Variants in S1PR4 observed in about 807,000 individuals in gnomAD.
The protein encoded by S1PR4 is sphingosine-1-phosphate receptor 4, also known as sphingosine 1-phosphate receptor 4.
A neutral mutation model predicts 0.4 loss-of-function variants in S1PR4; 1 was observed. The ratio of observed to expected loss-of-function variants is 2.48; its 90% CI spans 0.88 to 11.76. The LOEUF is 11.76. Ranked by LOEUF, S1PR4 falls within the 30% of genes most tolerant of loss-of-function variation. The pLI, the probability that S1PR4 is intolerant of heterozygous loss-of-function variation, is 0.12. For synonymous variants in S1PR4, 296 were observed against 266.7 expected, an observed-to-expected ratio of 1.11 and a Z score of -1.07; for missense variants, 595 against 557.8, an observed-to-expected ratio of 1.07 and a Z score of -0.67.
In S1PR4 at chr19:3,180,102, C is replaced by A; in HGVS notation, c.*155C>A. ...TCTTCCCGGTGGCCTCTCGGGGCTT[C>A]TGACGCCAAATGGGCTTCCCATGGT... On this transcript the variant is annotated 3_prime_UTR_variant, in exon 1 of 1. Transcript: ENST00000246115. 1.5e-6 allele frequency: 1 copy of A among 654,908 alleles called. No homozygotes were observed. The highest frequency in any genetic ancestry group is 2.4e-6 in the Non-Finnish European group (1 of 418,056). 40.6% of individuals were successfully genotyped at this position (654,908 alleles called of 1,614,324 possible). A position where few individuals can be genotyped will look rare whatever the true frequency, so the allele number is the denominator to read the frequency against.
In S1PR4 at chr19:3,179,377, C is replaced by G. The variant is rs1327987656; in HGVS notation, c.585C>G (p.Ser195Arg). The G allele has an allele frequency of 2.5e-6, 4 of 1,613,302 alleles. No individual in the cohort carries two copies. The highest frequency in any genetic ancestry group is 3.4e-6 in the Non-Finnish European group (4 of 1,179,944). ...NCLCAFDRCS[S>R]LLPLYSKRYI... Reference sequence around the variant, plus strand: ...TGTGCGCCTTTGACCGCTGCTCCAGCCTTCTGCCCCTCTACTCCAAGCGCT... The same window carrying G: ...TGTGCGCCTTTGACCGCTGCTCCAGGCTTCTGCCCCTCTACTCCAAGCGCT... Residue 195 changes from serine (S) to arginine (R), a missense_variant, in exon 1 of 1, where the codon AGC becomes AGG. Coordinates refer to ENST00000246115, the MANE Select transcript of S1PR4 (RefSeq NM_003775.4).
chr19:3,179,309 G>T lies in S1PR4; in HGVS notation c.517G>T (p.Ala173Ser). ...CTTCATCGGCCTCTGCTGGCTGCTGGCCGCGCTGCTGGGGATGCTGCCTTT... is the reference window on the plus strand; with the variant it reads ...CTTCATCGGCCTCTGCTGGCTGCTGTCCGCGCTGCTGGGGATGCTGCCTTT... ...YGFIGLCWLL[A>S]ALLGMLPLLG... is the part of the protein sequence containing the mutation. The change falls in exon 1 of 1, where the codon GCC becomes TCC. Residue 173 changes from alanine (A) to serine (S), a missense_variant. Ala to Ser is a moderately conservative substitution (Grantham distance 99). Coordinates refer to ENST00000246115, the MANE Select transcript of S1PR4 (RefSeq NM_003775.4). The T allele has an allele frequency of 6.2e-7, 1 of 1,611,172 alleles. No individual in the cohort carries two copies. Among genetic ancestry groups the T allele is most frequent in the Non-Finnish European group, 8.5e-7 (1 of 1,178,978 alleles).
In S1PR4 at chr19:3,179,767, G is replaced by T. The variant is rs376087741; in HGVS notation, c.975G>T (p.Gly325=). ...CRAVLSFLCC[G]CLRLGMRGPG... is the part of the protein sequence containing the mutation. ...CCGTGCTCAGCTTCCTCTGCTGCGG[G>T]TGTCTCCGGCTGGGCATGCGAGGGC... Residue 325 remains glycine, a synonymous_variant, in exon 1 of 1, where the codon GGG becomes GGT. Transcript: ENST00000246115. 4 of 1,610,156 alleles carry T rather than the reference G, an allele frequency of 2.5e-6. No individual in the cohort carries two copies. Among genetic ancestry groups the T allele is most frequent in the East Asian group, 2.2e-5 (1 of 44,824 alleles).
In S1PR4 at chr19:3,180,030, G is replaced by A. The variant is rs967480203; in HGVS notation, c.*83G>A. On this transcript the variant is annotated 3_prime_UTR_variant, in exon 1 of 1. Transcript: ENST00000246115. ...CTGGGGTACAGGAAGCTGTGTGCAC[G>A]CAGCCTCGCCTGTATGGGGAGCAGG... The A allele has an allele frequency of 4.6e-5, 61 of 1,326,188 alleles. No homozygotes were observed. The highest frequency in any genetic ancestry group is 8.9e-5 in the South Asian group (6 of 67,692). 82.2% of individuals were successfully genotyped at this position (1,326,188 alleles called of 1,614,324 possible). A position where few individuals can be genotyped will look rare whatever the true frequency, so the allele number is the denominator to read the frequency against.
chr19:3,179,728 G>A lies in S1PR4; in HGVS notation c.936G>A (p.Arg312=), dbSNP rs777752428. Residue 312 remains arginine, a synonymous_variant, in exon 1 of 1, where the codon AGG becomes AGA. Transcript: ENST00000246115. ...CCATCATCTACTCCTTCCGCAGCAGGGAGGTGTGCAGAGCCGTGCTCAGCT... is the reference window on the plus strand; with the variant it reads ...CCATCATCTACTCCTTCCGCAGCAGAGAGGTGTGCAGAGCCGTGCTCAGCT... ...VNPIIYSFRS[R]EVCRAVLSFL... is the part of the protein sequence containing the mutation. 15 of 1,612,892 alleles carry A rather than the reference G, an allele frequency of 9.3e-6. No individual in the cohort carries two copies. In the East Asian group the frequency reaches 3.3e-4, roughly 36 times the overall value.
chr19:3,178,934 G>T lies in S1PR4; in HGVS notation c.142G>T (p.Ala48Ser), dbSNP rs754285036. Residue 48 changes from alanine to serine, a missense_variant, in exon 1 of 1, where the codon GCC becomes TCC. Transcript: ENST00000246115. Reference protein sequence around the residue: ...RGGPEDGGLGALRGLSVAASC... With the variant: ...RGGPEDGGLGSLRGLSVAASC... ...GGGGCCGGAGGATGGCGGCCTGGGG[G>T]CCCTGCGGGGGCTGTCGGTGGCCGC... 7 of 1,532,482 alleles carry T rather than the reference G, an allele frequency of 4.6e-6. No individual in the cohort carries two copies. In the South Asian group the frequency reaches 4.8e-5, roughly 10 times the overall value. The allele number at this position is 1,532,482 out of a possible 1,614,324, so 94.9% of individuals were successfully genotyped here.
rs2144881054 is a variant in S1PR4 at position 3,178,800 on chromosome 19, C to T, written c.8C>T (p.Ala3Val). MN[A>V]TGTPVAPESC... ...CAGCCCCCGGGGGAGGCCATGAACG[C>T]CACGGGGACCCCGGTGGCCCCCGAG... Residue 3 changes from alanine (A) to valine (V), a missense_variant, in exon 1 of 1, where the codon GCC becomes GTC. Coordinates refer to ENST00000246115, the MANE Select transcript of S1PR4 (RefSeq NM_003775.4). 2.0e-6 allele frequency: 3 copies of T among 1,497,216 alleles called. No homozygotes were observed. The highest frequency in any genetic ancestry group is 2.5e-5 in the East Asian group (1 of 39,562). 92.7% of individuals were successfully genotyped at this position (1,497,216 alleles called of 1,614,324 possible). A position where few individuals can be genotyped will look rare whatever the true frequency, so the allele number is the denominator to read the frequency against.
At position 3,179,425 on chromosome 19, in the gene S1PR4, C is replaced by G; in HGVS notation, c.633C>G (p.Ile211Met). The change falls in exon 1 of 1, where the codon ATC becomes ATG. Residue 211 changes from isoleucine (I) to methionine (M), a missense_variant. Transcript: ENST00000246115. ...GCTACATCCTCTTCTGCCTGGTGAT[C>G]TTCGCCGGCGTCCTGGCCACCATCA... is the stretch of plus-strand genomic sequence containing the variant. ...SKRYILFCLV[I>M]FAGVLATIMG... The G allele has an allele frequency of 1.2e-6, 2 of 1,613,352 alleles. No individual in the cohort carries two copies. The highest frequency in any genetic ancestry group is 1.7e-6 in the Non-Finnish European group (2 of 1,179,950).
At position 3,179,920 on chromosome 19, in the gene S1PR4, C is replaced by T. The variant is rs1915515462; in HGVS notation, c.1128C>T (p.Ser376=). The T allele has an allele frequency of 1.3e-6, 2 of 1,514,558 alleles. No homozygotes were observed. The highest frequency in any genetic ancestry group is 1.4e-5 in the African/African-American group (1 of 71,576). 93.8% of individuals were successfully genotyped at this position (1,514,558 alleles called of 1,614,324 possible). A position where few individuals can be genotyped will look rare whatever the true frequency, so the allele number is the denominator to read the frequency against. ...SLSFRMREPL[S]SISSVRSI The stretch of plus-strand genomic sequence containing the variant: ...GCTTTCGGATGCGGGAGCCCCTGTC[C>T]AGCATCTCCAGCGTGCGGAGCATCT... The change falls in exon 1 of 1, where the codon TCC becomes TCT. Residue 376 remains serine, a synonymous_variant. Transcript: ENST00000246115.
In S1PR4 at chr19:3,179,023, G is replaced by A. The variant is rs34728133; in HGVS notation, c.231G>A (p.Ser77=). The change falls in exon 1 of 1, where the codon TCG becomes TCA. Residue 77 remains serine (S), a synonymous_variant. Coordinates refer to ENST00000246115, the MANE Select transcript of S1PR4 (RefSeq NM_003775.4). The stretch of plus-strand genomic sequence containing the variant: ...CGGCCATCACCAGCCACATGCGGTC[G>A]CGACGCTGGGTCTACTATTGCCTGG... ...VLAAITSHMR[S]RRWVYYCLVN... 0.079 allele frequency: 125,865 copies of A among 1,600,746 alleles called. 5,645 individuals carry two copies. The highest frequency in any genetic ancestry group is 0.091 in the Non-Finnish European group (107,547 of 1,177,474).
Position 3,179,025 on chromosome 19 carries a change from G to T in S1PR4, c.233G>T (p.Arg78Leu). The T allele has an allele frequency of 6.2e-7, 1 of 1,602,834 alleles. No individual in the cohort carries two copies. ...GCCATCACCAGCCACATGCGGTCGC[G>T]ACGCTGGGTCTACTATTGCCTGGTG... ...LAAITSHMRSRRWVYYCLVNI... is the reference protein window; with the variant it reads ...LAAITSHMRSLRWVYYCLVNI... The change falls in exon 1 of 1, where the codon CGA (arginine) becomes CTA (leucine). Residue 78 changes from arginine to leucine, a missense_variant. Coordinates refer to ENST00000246115, the MANE Select transcript of S1PR4 (RefSeq NM_003775.4).
Position 3,178,789 on chromosome 19 carries a change from G to T in S1PR4, c.-4G>T, listed in dbSNP as rs892123214. 14 of 1,483,204 alleles carry T rather than the reference G, an allele frequency of 9.4e-6. No individual in the cohort carries two copies. The highest frequency in any genetic ancestry group is 1.2e-5 in the Non-Finnish European group (13 of 1,128,070). 91.9% of individuals were successfully genotyped at this position (1,483,204 alleles called of 1,614,324 possible). ...CGGGCCTCAGTCAGCCCCCGGGGGA[G>T]GCCATGAACGCCACGGGGACCCCGG... is the stretch of plus-strand genomic sequence containing the variant. On this transcript the variant is annotated 5_prime_UTR_variant, in exon 1 of 1. The change creates a new upstream start codon in the 5' untranslated region. Coordinates refer to ENST00000246115, the MANE Select transcript of S1PR4 (RefSeq NM_003775.4).
rs773905094 is a variant in S1PR4 at position 3,179,135 on chromosome 19, C to T, written c.343C>T (p.Pro115Ser). 15 of 1,611,856 alleles carry T rather than the reference C, an allele frequency of 9.3e-6. No homozygotes were observed. The South Asian group carries it at 1.3e-4, about 14-fold the overall frequency. Residue 115 changes from proline (P) to serine (S), a missense_variant, in exon 1 of 1, where the codon CCC (proline) becomes TCC (serine). By Grantham distance (74) the Pro-to-Ser change is moderately conservative. Transcript: ENST00000246115. ...LSGARTFRLA[P>S]AQWFLREGLL... ...GGGGGCCCGCACCTTCCGTCTGGCG[C>T]CCGCCCAGTGGTTCCTACGGGAGGG... is the stretch of plus-strand genomic sequence containing the variant.
Position 3,179,281 on chromosome 19 carries a change from C to T in S1PR4, c.489C>T (p.Tyr163=), listed in dbSNP as rs772912291. ...ESGATKTSRV[Y]GFIGLCWLLA... ...GGGCCACCAAGACCAGCCGCGTCTA[C>T]GGCTTCATCGGCCTCTGCTGGCTGC... is the stretch of plus-strand genomic sequence containing the variant. Residue 163 remains tyrosine, a synonymous_variant, in exon 1 of 1, where the codon TAC becomes TAT. Transcript: ENST00000246115. 32 of 1,605,426 alleles carry T rather than the reference C, an allele frequency of 2.0e-5. No homozygotes were observed. In the African/African-American group the frequency reaches 2.1e-4, roughly 11 times the overall value.
rs752881982 is a variant in S1PR4, at chr19:3,179,981, C to T, written c.*34C>T. 4.7e-6 allele frequency: 7 copies of T among 1,496,332 alleles called. No individual in the cohort carries two copies. In the East Asian group the frequency reaches 7.1e-5, roughly 15 times the overall value. 92.7% of individuals were successfully genotyped at this position (1,496,332 alleles called of 1,614,324 possible). ...TCTTGCGTGTGGATGGTGCAGCCAC[C>T]GGGTGCGTGCCAGGCAGGCCCTCCT... On this transcript the variant is annotated 3_prime_UTR_variant, in exon 1 of 1. Transcript: ENST00000246115.
In S1PR4 at chr19:3,179,461, T is replaced by C. The variant is rs1227428032; in HGVS notation, c.669T>C (p.Tyr223=). Residue 223 remains tyrosine (Y), a synonymous_variant, in exon 1 of 1, where the codon TAT becomes TAC. Transcript: ENST00000246115. ...AGVLATIMGL[Y]GAIFRLVQAS... is the part of the protein sequence containing the mutation. ...TCCTGGCCACCATCATGGGCCTCTATGGGGCCATCTTCCGCCTGGTGCAGG... is the reference window on the plus strand; with the variant it reads ...TCCTGGCCACCATCATGGGCCTCTACGGGGCCATCTTCCGCCTGGTGCAGG... 9 of 1,613,066 alleles carry C rather than the reference T, an allele frequency of 5.6e-6. No homozygotes were observed. Among genetic ancestry groups the C allele is most frequent in the African/African-American group, 1.3e-5 (1 of 75,054 alleles).
In S1PR4 at chr19:3,180,027, C is replaced by A; in HGVS notation, c.*80C>A. ...CTCCTGGGGTACAGGAAGCTGTGTGCACGCAGCCTCGCCTGTATGGGGAGC... is the reference window on the plus strand; with the variant it reads ...CTCCTGGGGTACAGGAAGCTGTGTGAACGCAGCCTCGCCTGTATGGGGAGC... On this transcript the variant is annotated 3_prime_UTR_variant, in exon 1 of 1. Transcript: ENST00000246115. The A allele has an allele frequency of 7.4e-7, 1 of 1,345,010 alleles. No homozygotes were observed. The allele number at this position is 1,345,010 out of a possible 1,614,324, so 83.3% of individuals were successfully genotyped here.
Position 3,179,217 on chromosome 19 carries a change from A to G in S1PR4, c.425A>G (p.Glu142Gly). 6.2e-7 allele frequency: 1 copy of G among 1,602,120 alleles called. No homozygotes were observed. Among genetic ancestry groups the G allele is most frequent in the East Asian group, 2.2e-5 (1 of 44,672 alleles). The change falls in exon 1 of 1, where the codon GAG becomes GGG. Residue 142 changes from glutamate (E) to glycine (G), a missense_variant. Glu to Gly is a moderately conservative substitution (Grantham distance 98). Coordinates refer to ENST00000246115, the MANE Select transcript of S1PR4 (RefSeq NM_003775.4). Reference sequence around the variant, plus strand: ...TTCAGCCTGCTCTTCACTGCAGGGGAGCGCTTTGCCACCATGGTGCGGCCG... The same window carrying G: ...TTCAGCCTGCTCTTCACTGCAGGGGGGCGCTTTGCCACCATGGTGCGGCCG... ...STFSLLFTAGERFATMVRPVA... is the reference protein window; with the variant it reads ...STFSLLFTAGGRFATMVRPVA...
rs1424739411 is a variant in S1PR4 at position 3,178,887 on chromosome 19, C to T, written c.95C>T (p.Ser32Leu). ...CTCATTGTTCTGCACTACAACCACTCGGGCCGGCTGGCCGGGCGCGGGGGG... is the reference window on the plus strand; with the variant it reads ...CTCATTGTTCTGCACTACAACCACTTGGGCCGGCTGGCCGGGCGCGGGGGG... Reference protein sequence around the residue: ...SRLIVLHYNHSGRLAGRGGPE... With the variant: ...SRLIVLHYNHLGRLAGRGGPE... Residue 32 changes from serine to leucine, a missense_variant, in exon 1 of 1, where the codon TCG (serine) becomes TTG (leucine). Transcript: ENST00000246115. 3.9e-6 allele frequency: 6 copies of T among 1,531,452 alleles called. No homozygotes were observed. The highest frequency in any genetic ancestry group is 2.0e-5 in the Admixed American group (1 of 49,040). The allele number at this position is 1,531,452 out of a possible 1,614,324, so 94.9% of individuals were successfully genotyped here. A position where few individuals can be genotyped will look rare whatever the true frequency, so the allele number is the denominator to read the frequency against.
Sources: gnomAD v4.1 joint callset for allele counts on GRCh38, gnomAD v4.1.1 for gene constraint, MANE v1.5 for transcripts, NCBI Gene and HGNC (gene_info 2026-07-23, HGNC 2026-07-21) for gene names.